The following ABI3BP variants were observed in gnomAD, a reference collection of about 807,000 sequenced individuals.
ABI3BP encodes the protein ABI family member 3 binding protein, also known as target of Nesh-SH3.
ABI3BP carries 216 observed loss-of-function variants against 268.6 expected under a neutral mutation model. The observed-to-expected ratio is 0.80, with a 90% CI of 0.72 to 0.90. The LOEUF (loss-of-function observed/expected upper bound fraction) is 0.90. ABI3BP is among the 40% of genes least tolerant of loss of function. The pLI is 0.00. For synonymous variants in ABI3BP, 730 were observed against 730.0 expected (o/e 1.00, Z 0.00); for missense variants, 2,090 against 2,182.4 (o/e 0.96, Z 0.84).
At chr3:100,868,036 A>G (rs1045074314) in intron 9 of ABI3BP, among the ~76,000 whole-genome samples, 1 of 152,196 alleles carries the variant, frequency 6.6e-6, no homozygotes, top group African/African-American at 2.4e-5. Flanking sequence ...TCTGTGTTGA[A>G]TCATAATATT....
At chr3:100,751,061 T>C (rs753555612) in intron 67 of ABI3BP, among the ~76,000 whole-genome samples, 1 of 152,214 alleles carries the variant, frequency 6.6e-6, no homozygotes, top group African/African-American at 2.4e-5. Context: ...TTCAGTCTTA[T>C]TCAGTCCTCA....
At chr3:100,862,658 G>A in intron 13 of ABI3BP, 180 bp downstream of exon 13, 1 of 599,446 alleles carries the variant, frequency 1.7e-6, no homozygotes, top group South Asian at 2.3e-5. Context: ...AAGACTGATG[G>A]GTTTTACCGA....
chr3:100,820,954 A>T lies in ABI3BP; in HGVS notation c.2947+100T>A, dbSNP rs2098200896. 7 of 947,820 alleles carry T rather than the reference A, an allele frequency of 7.4e-6. No individual in the cohort carries two copies. The South Asian group carries it at 1.0e-4, about 14-fold the overall frequency. The allele number at this position is 947,820 out of a possible 1,614,324, so 58.7% of individuals were successfully genotyped here. A position where few individuals can be genotyped will look rare whatever the true frequency, so the allele number is the denominator to read the frequency against. The stretch of plus-strand genomic sequence containing the variant: ...TGATGGAATGAAACAGAGAATGATG[A>T]TGTAGTCTTGAAAAGCATAAGAATC... On this transcript the variant is annotated intron_variant, in intron 39 of 67. Transcript: ENST00000471714.
intron 62 of ABI3BP, among the ~76,000 whole-genome samples, chr3:100,767,473 T>C (rs1455965153): frequency 6.6e-6 from 1 of 151,938 alleles, no homozygotes; most frequent in Non-Finnish European, 1.5e-5. Context: ...CCGAACGGAC[T>C]GGAAAGGGAG....
chr3:100,806,204 C>A (rs73152441), intron 50 of ABI3BP, among the ~76,000 whole-genome samples: 21,031 of 152,060 alleles, frequency 0.14, 1,889 homozygotes, highest in South Asian at 0.27. Flanking sequence ...TGCCAAATTA[C>A]AGAATCTTAT....
At chr3:100,807,860 A>G (rs2097757289) in intron 50 of ABI3BP, among the ~76,000 whole-genome samples, 1 of 152,026 alleles carries the variant, frequency 6.6e-6, no homozygotes, top group Non-Finnish European at 1.5e-5. Context: ...ATAGGAGTGT[A>G]GTCTCAGGCC....
chr3:100,923,919 A>G (rs2061035901), intron 2 of ABI3BP, among the ~76,000 whole-genome samples: 2 of 152,180 alleles, frequency 1.3e-5, no homozygotes, highest in Admixed American at 1.3e-4. Context: ...TAAACACATC[A>G]GTCTTAGGAT....
intron 2 of ABI3BP, among the ~76,000 whole-genome samples, chr3:100,919,924 AAC>A (rs2059743775): frequency 6.6e-6 from 1 of 152,200 alleles, no homozygotes. Context: ...AAAGGCACGA[AAC>A]AGTCAGCTTT....
intron 14 of ABI3BP, among the ~76,000 whole-genome samples, chr3:100,857,959 T>A (rs1488127853): frequency 6.6e-6 from 1 of 152,248 alleles, no homozygotes; most frequent in Non-Finnish European, 1.5e-5. Context: ...GCACAATTCA[T>A]CTGAATGGAA....
chr3:100,863,858 G>C (rs1390043484), intron 12 of ABI3BP, 144 bp downstream of exon 12: 1 of 620,362 alleles, frequency 1.6e-6, no homozygotes, highest in African/African-American at 1.8e-5. Context: ...CATAGGGAGA[G>C]CCTCTTTGGG....
intron 36 of ABI3BP, among the ~76,000 whole-genome samples, chr3:100,824,187 T>C (rs988709041): frequency 1.6e-4 from 24 of 152,206 alleles, no homozygotes; most frequent in African/African-American, 5.8e-4. Context: ...TTCATCTGGC[T>C]TGATGTACCC....
intron 26 of ABI3BP, 60 bp from the exon 27 acceptor site, chr3:100,837,231 G>A: frequency 7.5e-7 from 1 of 1,337,434 alleles, no homozygotes; most frequent in Non-Finnish European, 1.0e-6. Flanking sequence ...AAACTTTTGG[G>A]TGCTCATTGG....
chr3:100,931,153 A>G (rs930091210), intron 1 of ABI3BP, among the ~76,000 whole-genome samples: 2 of 152,130 alleles, frequency 1.3e-5, no homozygotes, highest in Admixed American at 6.6e-5. Flanking sequence ...CTTCCATGTT[A>G]AAAATCCTCA....
chr3:100,942,423 C>T (rs2069804984), intron 1 of ABI3BP, among the ~76,000 whole-genome samples: 1 of 151,968 alleles, frequency 6.6e-6, no homozygotes, highest in Admixed American at 6.6e-5. Context: ...TACAAGGTGT[C>T]AAAATTTATT....
At chr3:100,828,258 T>C (rs1462387435) in intron 34 of ABI3BP, 135 bp downstream of exon 34, 7 of 707,498 alleles carry the variant, frequency 9.9e-6, no homozygotes, top group African/African-American at 1.8e-5. Flanking sequence ...AGCTCTCTTA[T>C]GAGCAAGAGG....
chr3:100,882,844 G>T (rs565255624), intron 6 of ABI3BP, among the ~76,000 whole-genome samples: 15 of 152,252 alleles, frequency 9.9e-5, no homozygotes, highest in Admixed American at 9.8e-4. Flanking sequence ...ATGATATCAT[G>T]GAGTCACATG....
intron 1 of ABI3BP, among the ~76,000 whole-genome samples, chr3:100,961,891 CAAT>C (rs2079246371): frequency 6.6e-6 from 1 of 152,114 alleles, no homozygotes; most frequent in Non-Finnish European, 1.5e-5. Context: ...CCCATCACTG[CAAT>C]AATATTCTTG....
intron 58 of ABI3BP, chr3:100,778,594 T>C: frequency 1.9e-6 from 1 of 537,552 alleles, no homozygotes; most frequent in Non-Finnish European, 3.3e-6. Context: ...CTGTAGTATA[T>C]AGAAAACATG....
intron 31 of ABI3BP, among the ~76,000 whole-genome samples, chr3:100,831,085 C>A (rs556299218): frequency 7.0e-4 from 107 of 152,210 alleles, no homozygotes; most frequent in African/African-American, 2.3e-3. Flanking sequence ...GCAGAGAGCC[C>A]CTATGGTGAT....
Sources: gnomAD v4.1 joint callset for allele counts (sites outside exome capture counted in the v4.1 genomes callset) on GRCh38, gnomAD v4.1.1 for gene constraint, MANE v1.5 for transcripts, NCBI Gene and HGNC (gene_info 2026-07-23, HGNC 2026-07-21) for gene names.